Variants in ARSJ observed in about 807,000 individuals in gnomAD.
The protein encoded by ARSJ is arylsulfatase family member J, also known as arylsulfatase J.
Under a neutral mutation model 35.9 loss-of-function variants are expected in ARSJ, and 26 were observed. The ratio of observed to expected loss-of-function variants is 0.72; its 90% CI spans 0.53 to 1.00. The LOEUF is 1.00. ARSJ is among the 50% of genes least tolerant of loss of function. The pLI, the probability that ARSJ is intolerant of heterozygous loss-of-function variation, is 0.00. For synonymous variants in ARSJ, 294 were observed against 267.6 expected (o/e 1.10, Z -0.96); for missense variants, 667 against 723.6 (o/e 0.92, Z 0.90).
rs372355190 is a variant in ARSJ at position 113,978,875 on chromosome 4, C to G, written c.-41G>C. 1.3e-6 allele frequency: 2 copies of G among 1,539,008 alleles called. No homozygotes were observed. The highest frequency in any genetic ancestry group is 1.4e-5 in the African/African-American group (1 of 72,320). On this transcript the variant is annotated 5_prime_UTR_variant, in exon 1 of 2. Transcript: ENST00000315366. ...GTGAGACTCCACGCGGAGAACCACGCGCCCCGCGCCGCTGCGGGCGCACAC... is the reference window on the plus strand; with the variant it reads ...GTGAGACTCCACGCGGAGAACCACGGGCCCCGCGCCGCTGCGGGCGCACAC...
At chr4:113,932,040 A>G (rs1724486184) in intron 1 of ARSJ, among the ~76,000 whole-genome samples, 1 of 152,102 alleles carries the variant, frequency 6.6e-6, no homozygotes, top group Non-Finnish European at 1.5e-5. Context: ...AAACTTAAAA[A>G]GACCAGGAGT....
intron 1 of ARSJ, among the ~76,000 whole-genome samples, chr4:113,942,771 A>G (rs2149270477): frequency 6.6e-6 from 1 of 152,234 alleles, no homozygotes; most frequent in East Asian, 1.9e-4. Context: ...ATTATGAAGA[A>G]AATTTACCAC....
intron 1 of ARSJ, among the ~76,000 whole-genome samples, chr4:113,929,539 T>TC (rs1724296609): frequency 6.6e-6 from 1 of 152,126 alleles, no homozygotes; most frequent in African/African-American, 2.4e-5. Context: ...ATCAGGGTCC[T>TC]CCCACACATC....
chr4:113,932,935 G>A (rs935038196), intron 1 of ARSJ, among the ~76,000 whole-genome samples: 13 of 151,928 alleles, frequency 8.6e-5, no homozygotes, highest in African/African-American at 3.1e-4. Flanking sequence ...ATTTTGAAGA[G>A]AGAAACAGAA....
intron 1 of ARSJ, among the ~76,000 whole-genome samples, chr4:113,945,844 A>T (rs181783766): frequency 1.8e-3 from 278 of 152,202 alleles, no homozygotes; most frequent in Non-Finnish European, 3.4e-3. Flanking sequence ...AAGAAAAATA[A>T]TTCTCCCAAG....
At chr4:113,916,639 C>T (rs1275922749) in intron 1 of ARSJ, among the ~76,000 whole-genome samples, 1 of 152,068 alleles carries the variant, frequency 6.6e-6, no homozygotes, top group Non-Finnish European at 1.5e-5. Flanking sequence ...AAACATGATA[C>T]CATTGCTTGG....
At position 113,979,014 on chromosome 4, in the gene ARSJ, G is replaced by A. The variant is rs945754661; in HGVS notation, c.-180C>T. 5 of 579,610 alleles carry A rather than the reference G, an allele frequency of 8.6e-6. No individual in the cohort carries two copies. Among genetic ancestry groups the A allele is most frequent in the Admixed American group, 7.0e-5 (2 of 28,752 alleles). The allele number at this position is 579,610 out of a possible 1,614,324, so 35.9% of individuals were successfully genotyped here. ...CCAGAAGTGATGGCTTAATGGATGG[G>A]ACTCCGGAAGAACAAGGAGGGCTCG... is the stretch of plus-strand genomic sequence containing the variant. On this transcript the variant is annotated 5_prime_UTR_variant, in exon 1 of 2. Transcript: ENST00000315366.
chr4:113,930,941 C>T (rs546224011), intron 1 of ARSJ, among the ~76,000 whole-genome samples: 63 of 150,488 alleles, frequency 4.2e-4, no homozygotes, highest in African/African-American at 1.5e-3. Context: ...AACCAAACAC[C>T]GCATATTCTC....
At chr4:113,954,292 A>G (rs1338350991) in intron 1 of ARSJ, among the ~76,000 whole-genome samples, 1 of 152,076 alleles carries the variant, frequency 6.6e-6, no homozygotes, top group Non-Finnish European at 1.5e-5. Context: ...CCTTAAACTT[A>G]ATAATGTTTT....
At position 113,902,127 on chromosome 4, in the gene ARSJ, T is replaced by G. The variant is rs1594368900; in HGVS notation, c.*147A>C. 1 of 1,594,656 alleles carries G rather than the reference T, an allele frequency of 6.3e-7. No homozygotes were observed. The highest frequency in any genetic ancestry group is 8.5e-7 in the Non-Finnish European group (1 of 1,178,092). Reference sequence around the variant, plus strand: ...GACAGTTTTCAGTGTGGCGGCCAGGTGGCAGAAGTCTCTGGAGTGGCACAG... The same window carrying G: ...GACAGTTTTCAGTGTGGCGGCCAGGGGGCAGAAGTCTCTGGAGTGGCACAG... On this transcript the variant is annotated 3_prime_UTR_variant, in exon 2 of 2. Transcript: ENST00000315366.
At position 113,924,115 on chromosome 4, in the gene ARSJ, A is replaced by C. The variant is rs1426081837; in HGVS notation, c.399-20440T>G. Among the ~76,000 whole-genome samples the C allele has an allele frequency of 2.2e-5, 3 of 138,736 alleles. No individual in the cohort carries two copies. The East Asian group carries it at 6.1e-4, about 28-fold the overall frequency. 91.0% of individuals were successfully genotyped at this position (138,736 alleles called of 152,430 possible). On this transcript the variant is annotated intron_variant, in intron 1 of 1. Transcript: ENST00000315366. ...TATATATATATATATATATATATAT[A>C]TATATAAAGGGGAGTTTATTAAGTA... is the stretch of plus-strand genomic sequence containing the variant.
chr4:113,922,206 T>C (rs1723727477), intron 1 of ARSJ, among the ~76,000 whole-genome samples: 1 of 152,202 alleles, frequency 6.6e-6, no homozygotes, highest in Admixed American at 6.6e-5. Context: ...AAAGATATTA[T>C]GTTAGAAAAG....
chr4:113,932,888 A>C (rs967178689), intron 1 of ARSJ, among the ~76,000 whole-genome samples: 1 of 152,034 alleles, frequency 6.6e-6, no homozygotes, highest in Non-Finnish European at 1.5e-5. Context: ...TTGAGCTAAC[A>C]AAACAATACA....
intron 1 of ARSJ, among the ~76,000 whole-genome samples, chr4:113,968,279 G>T (rs983383457): frequency 6.6e-6 from 1 of 152,072 alleles, no homozygotes; most frequent in Non-Finnish European, 1.5e-5. Context: ...TGAGAGATAT[G>T]TATATACATA....
chr4:113,928,008 A>G (rs1487204412), intron 1 of ARSJ, among the ~76,000 whole-genome samples: 1 of 152,154 alleles, frequency 6.6e-6, no homozygotes, highest in Non-Finnish European at 1.5e-5. Context: ...TGTCTATGAC[A>G]ATTATGCATT....
At chr4:113,921,350 A>C (rs1019238596) in intron 1 of ARSJ, among the ~76,000 whole-genome samples, 1 of 152,148 alleles carries the variant, frequency 6.6e-6, no homozygotes, top group African/African-American at 2.4e-5. Context: ...GATGTGTGTT[A>C]GTACAAGACT....
At chr4:113,955,741 A>G (rs1400912484) in intron 1 of ARSJ, among the ~76,000 whole-genome samples, 6 of 152,122 alleles carry the variant, frequency 3.9e-5, no homozygotes, top group Admixed American at 2.6e-4. Context: ...AAGAGCACAC[A>G]GCAAAAAACT....
chr4:113,939,434 G>A (rs898732393), intron 1 of ARSJ, among the ~76,000 whole-genome samples: 8 of 151,898 alleles, frequency 5.3e-5, no homozygotes, highest in African/African-American at 1.9e-4. Context: ...CCAGTAATGG[G>A]ATGGCTGGGT....
At chr4:113,972,871 C>G (rs766075552) in intron 1 of ARSJ, among the ~76,000 whole-genome samples, 1 of 152,172 alleles carries the variant, frequency 6.6e-6, no homozygotes, top group African/African-American at 2.4e-5. Flanking sequence ...GAGCCTGGAG[C>G]AGGTATGGGT....
Sources: gnomAD v4.1 joint callset for allele counts (sites outside exome capture counted in the v4.1 genomes callset) on GRCh38, gnomAD v4.1.1 for gene constraint, MANE v1.5 for transcripts, NCBI Gene and HGNC (gene_info 2026-07-23, HGNC 2026-07-21) for gene names.